Variants in KMT2C observed in about 807,000 individuals in gnomAD.
KMT2C encodes the protein histone-lysine N-methyltransferase 2C.
A neutral mutation model predicts 507.9 loss-of-function variants in KMT2C; 88 were observed. That is an observed-to-expected ratio of 0.17 (90% CI 0.15 to 0.21). The LOEUF (loss-of-function observed/expected upper bound fraction) is 0.21. Ranked by LOEUF, KMT2C falls within the 10% of genes least tolerant of loss-of-function variation. KMT2C has a pLI of 1.00. For synonymous variants in KMT2C, 2,049 were observed against 2,080.8 expected, an observed-to-expected ratio of 0.98 and a Z score of 0.42; for missense variants, 4,954 against 5,957.8, an observed-to-expected ratio of 0.83 and a Z score of 5.55.
At chr7:152,235,737 A>C in intron 16 of KMT2C, 80 bp downstream of exon 16, 2 of 1,087,012 alleles carry the variant, frequency 1.8e-6, no homozygotes, top group South Asian at 1.3e-5. Flanking sequence ...ATGACTCTTA[A>C]GATCAAAATA....
chr7:152,244,462 G>A (rs78542873), intron 14 of KMT2C, among the ~76,000 whole-genome samples: 1 of 152,104 alleles, frequency 6.6e-6, no homozygotes, highest in African/African-American at 2.4e-5. Flanking sequence ...TGGAAGGATC[G>A]CTTGAGGCCA....
chr7:152,345,113 T>G (rs1418442358), intron 2 of KMT2C, among the ~76,000 whole-genome samples: 1 of 151,728 alleles, frequency 6.6e-6, no homozygotes, highest in African/African-American at 2.4e-5. Flanking sequence ...AGATATCCAT[T>G]CCATTATATC....
chr7:152,283,723 C>G (rs2096255335), intron 6 of KMT2C, among the ~76,000 whole-genome samples: 1 of 152,054 alleles, frequency 6.6e-6, no homozygotes, highest in Non-Finnish European at 1.5e-5. Flanking sequence ...GTGTTTTCCA[C>G]TTTTCTTAAA....
intron 1 of KMT2C, among the ~76,000 whole-genome samples, chr7:152,417,950 T>TA (rs2097755965): frequency 2.5e-5 from 3 of 120,122 alleles, no homozygotes; most frequent in African/African-American, 1.1e-4. Context: ...CCTCTTTCTT[T>TA]TAAAAAAAAA....
At chr7:152,301,528 A>G (rs1249654108) in intron 6 of KMT2C, among the ~76,000 whole-genome samples, 2 of 151,956 alleles carry the variant, frequency 1.3e-5, no homozygotes, top group African/African-American at 2.4e-5. Flanking sequence ...AAAAGAAAAG[A>G]AAAGAAAAGT....
rs769437118 is a variant in KMT2C at position 152,181,571 on chromosome 7, G to A, written c.6289C>T (p.Pro2097Ser). Reference protein sequence around the residue: ...HNQSNDPYSQPPLTPHPAVNE... With the variant: ...HNQSNDPYSQSPLTPHPAVNE... ...ACTGCTGGATGTGGGGTAAGGGGAG[G>A]CTGACTATATGGATCATTTGACTGA... The change falls in exon 36 of 59, where the codon CCT becomes TCT. Residue 2097 changes from proline (P) to serine (S), a missense_variant. By Grantham distance (74) the Pro-to-Ser change is moderately conservative. Coordinates refer to ENST00000262189, the MANE Select transcript of KMT2C (RefSeq NM_170606.3). The A allele has an allele frequency of 1.9e-6, 3 of 1,613,888 alleles. No individual in the cohort carries two copies. In the African/African-American group the frequency reaches 4.0e-5, roughly 22 times the overall value.
At chr7:152,227,162 G>A (rs886248899) in intron 18 of KMT2C, among the ~76,000 whole-genome samples, 1 of 152,076 alleles carries the variant, frequency 6.6e-6, no homozygotes, top group Non-Finnish European at 1.5e-5. Context: ...AAATCTAATG[G>A]AAACATTAGT....
rs531175001 is a variant in KMT2C at position 152,356,380 on chromosome 7, G to A, written c.250+2207C>T. 4.3e-4 allele frequency among the ~76,000 whole-genome samples: 65 copies of A among 151,944 alleles called. 1 individual carries two copies. Among genetic ancestry groups the A allele is most frequent in the Non-Finnish European group, 7.6e-4 (52 of 67,984 alleles). ...ACGTGAGATCAGGAGTTCGAGGCCA[G>A]CCTGGCAAACACTGGGAGAACCCTG... On this transcript the variant is annotated intron_variant, in intron 2 of 58. Transcript: ENST00000262189.
intron 10 of KMT2C, 101 bp downstream of exon 10, chr7:152,252,445 G>A (rs1431851161): frequency 1.1e-6 from 1 of 901,958 alleles, no homozygotes; most frequent in East Asian, 2.6e-5. Context: ...TGATGGAATT[G>A]CTAGAGTGAT....
At chr7:152,171,795 C>T (rs1186336288) in intron 39 of KMT2C, among the ~76,000 whole-genome samples, 2 of 152,160 alleles carry the variant, frequency 1.3e-5, no homozygotes, top group East Asian at 3.8e-4. Context: ...TAATTGAGAG[C>T]TTAGTTATTT....
chr7:152,255,446 G>A (rs1479771726), intron 9 of KMT2C, among the ~76,000 whole-genome samples: 3 of 151,946 alleles, frequency 2.0e-5, no homozygotes, highest in East Asian at 1.9e-4. Context: ...GATTACAGGT[G>A]TGAGCCACTG....
At chr7:152,213,056 G>GA (rs1305131906) in intron 23 of KMT2C, among the ~76,000 whole-genome samples, 3 of 151,792 alleles carry the variant, frequency 2.0e-5, no homozygotes, top group Non-Finnish European at 2.9e-5. Flanking sequence ...TCAAAAAACA[G>GA]AAAAAAAACT....
intron 2 of KMT2C, among the ~76,000 whole-genome samples, chr7:152,351,498 T>C (rs2129226409): frequency 6.6e-6 from 1 of 152,356 alleles, no homozygotes. Context: ...CTGCTGTCAT[T>C]ATGCAGTGCA....
In KMT2C at chr7:152,255,136, T is replaced by C. The variant is rs866214054; in HGVS notation, c.1300-2421A>G. On this transcript the variant is annotated intron_variant, in intron 9 of 58. Coordinates refer to ENST00000262189, the MANE Select transcript of KMT2C (RefSeq NM_170606.3). ...ATATATATATATATATATATATATA[T>C]ATATATATACATATATATATATGTG... is the stretch of plus-strand genomic sequence containing the variant. 4.0e-4 allele frequency among the ~76,000 whole-genome samples: 50 copies of C among 124,112 alleles called. 2 individuals carry two copies. Among genetic ancestry groups the C allele is most frequent in the African/African-American group, 1.7e-3 (49 of 29,262 alleles). The allele number at this position is 124,112 out of a possible 152,430, so 81.4% of individuals were successfully genotyped here.
chr7:152,399,003 G>A (rs866987378), intron 1 of KMT2C, among the ~76,000 whole-genome samples: 2 of 151,644 alleles, frequency 1.3e-5, no homozygotes, highest in Admixed American at 6.6e-5. Context: ...ATTTTTGTGG[G>A]ATTTTTTTAG....
chr7:152,174,743 G>C (rs1163382613), intron 38 of KMT2C, among the ~76,000 whole-genome samples: 2 of 152,146 alleles, frequency 1.3e-5, no homozygotes, highest in African/African-American at 4.8e-5. Flanking sequence ...ATATAAAATG[G>C]AATGTCAATT....
At chr7:152,261,828 T>C (rs2095784788) in intron 9 of KMT2C, among the ~76,000 whole-genome samples, 1 of 152,144 alleles carries the variant, frequency 6.6e-6, no homozygotes, top group South Asian at 2.1e-4. Flanking sequence ...GCAGAGTTTT[T>C]CCTTTCCAAT....
In KMT2C at chr7:152,311,744, A is replaced by G. The variant is rs555391590; in HGVS notation, c.739+54T>C. ...ATTGAGGACATTAATAATGTATTAA[A>G]ATTAAAATGCTTCCAGAATTAAGAG... On this transcript the variant is annotated intron_variant, in intron 5 of 58. Coordinates refer to ENST00000262189, the MANE Select transcript of KMT2C (RefSeq NM_170606.3). The G allele has an allele frequency of 1.8e-5, 25 of 1,383,498 alleles. No homozygotes were observed. The South Asian group carries it at 3.1e-4, about 17-fold the overall frequency. The allele number at this position is 1,383,498 out of a possible 1,614,324, so 85.7% of individuals were successfully genotyped here.
intron 9 of KMT2C, among the ~76,000 whole-genome samples, chr7:152,262,345 C>T (rs1168507202): frequency 1.3e-5 from 2 of 152,156 alleles, no homozygotes; most frequent in Non-Finnish European, 2.9e-5. Context: ...CATCTCCATC[C>T]CTCAACCTCG....
Sources: allele counts gnomAD v4.1 joint callset (sites outside exome capture counted in the v4.1 genomes callset), GRCh38; gene constraint gnomAD v4.1.1; transcripts MANE v1.5; gene names NCBI Gene and HGNC (gene_info 2026-07-23, HGNC 2026-07-21).